The following MOXD1 variants were observed in gnomAD, a reference collection of about 807,000 sequenced individuals.
The protein encoded by MOXD1 is monooxygenase DBH like 1, also known as DBH-like monooxygenase protein 1.
MOXD1 carries 62 observed loss-of-function variants against 66.6 expected under a neutral mutation model. The ratio of observed to expected loss-of-function variants is 0.93; its 90% CI spans 0.76 to 1.15. The LOEUF is 1.15. Among genes scored for constraint, MOXD1 ranks in the 50% most tolerant of loss-of-function variants. The probability of loss-of-function intolerance (pLI) is 0.00; values close to 1 mark genes in which losing one functional copy is unlikely to be tolerated. For missense variants in MOXD1, 847 were observed against 754.6 expected, an observed-to-expected ratio of 1.12 and a Z score of -1.44; for synonymous variants, 303 against 281.9, an observed-to-expected ratio of 1.07 and a Z score of -0.75.
At chr6:132,388,952 G>A (rs534458983) in intron 1 of MOXD1, among the ~76,000 whole-genome samples, 4 of 151,476 alleles carry the variant, frequency 2.6e-5, no homozygotes, top group African/African-American at 9.6e-5. Context: ...AGAGGGCTAT[G>A]AGGATGAAAG....
chr6:132,324,164 C>G (rs1562282293), intron 6 of MOXD1, 67 bp from the exon 7 acceptor site: 2 of 1,502,286 alleles, frequency 1.3e-6, no homozygotes, highest in Non-Finnish European at 1.8e-6. Context: ...CAAGAAAATT[C>G]TTGGTTTGAA....
intron 1 of MOXD1, among the ~76,000 whole-genome samples, chr6:132,379,534 A>T (rs930765886): frequency 6.6e-6 from 1 of 151,906 alleles, no homozygotes; most frequent in East Asian, 1.9e-4. Context: ...TTATTCCCTG[A>T]CTCTATTTTC....
intron 4 of MOXD1, among the ~76,000 whole-genome samples, chr6:132,365,703 T>C (rs1463829182): frequency 6.6e-6 from 1 of 152,208 alleles, no homozygotes; most frequent in African/African-American, 2.4e-5. Context: ...CCCATGTAGC[T>C]AGACGATCTC....
intron 10 of MOXD1, among the ~76,000 whole-genome samples, chr6:132,314,341 T>C (rs6917708): frequency 0.04 from 6,030 of 152,300 alleles, 167 homozygotes; most frequent in African/African-American, 0.074. Flanking sequence ...ATCCCTCAAC[T>C]AGACAATCAC....
chr6:132,400,719 G>C (rs974281242), intron 1 of MOXD1, among the ~76,000 whole-genome samples: 7 of 152,072 alleles, frequency 4.6e-5, no homozygotes, highest in Admixed American at 3.9e-4. Context: ...CACGATTTGG[G>C]AAGTTCTGAG....
At chr6:132,316,381 T>A (rs1774959507) in intron 9 of MOXD1, among the ~76,000 whole-genome samples, 2 of 152,050 alleles carry the variant, frequency 1.3e-5, no homozygotes, top group Admixed American at 1.3e-4. Context: ...AGAAATGGAT[T>A]GTAAGATTGA....
At chr6:132,330,005 A>G (rs752904773) in intron 4 of MOXD1, among the ~76,000 whole-genome samples, 57 of 152,286 alleles carry the variant, frequency 3.7e-4, no homozygotes, top group Non-Finnish European at 5.0e-4. Flanking sequence ...TTGCTCTGTT[A>G]GTTCCCTTCA....
At chr6:132,299,421 C>A (rs1318167880) in intron 10 of MOXD1, among the ~76,000 whole-genome samples, 1 of 151,874 alleles carries the variant, frequency 6.6e-6, no homozygotes, top group Non-Finnish European at 1.5e-5. Flanking sequence ...TCCCTTGAAC[C>A]TAAAATAAAA....
intron 9 of MOXD1, among the ~76,000 whole-genome samples, chr6:132,316,349 C>G (rs1480015118): frequency 6.6e-6 from 1 of 151,974 alleles, no homozygotes; most frequent in Non-Finnish European, 1.5e-5. Context: ...TTATTATCTA[C>G]CTTCAATGGA....
chr6:132,374,198 C>A (rs1353096182), intron 2 of MOXD1, among the ~76,000 whole-genome samples: 2 of 152,122 alleles, frequency 1.3e-5, no homozygotes, highest in African/African-American at 2.4e-5. Flanking sequence ...TAATCAGCCA[C>A]CTATTCATCT....
intron 10 of MOXD1, among the ~76,000 whole-genome samples, chr6:132,309,393 A>C (rs1774772286): frequency 6.6e-6 from 1 of 152,252 alleles, no homozygotes; most frequent in Non-Finnish European, 1.5e-5. Flanking sequence ...ATGGAAAAAC[A>C]TTCCATTTTC....
intron 1 of MOXD1, among the ~76,000 whole-genome samples, chr6:132,395,397 G>T (rs1477480903): frequency 6.6e-6 from 1 of 151,758 alleles, no homozygotes; most frequent in Non-Finnish European, 1.5e-5. Context: ...AGAAGGAAAA[G>T]ACTAGAAGGT....
At chr6:132,315,910 A>C in intron 9 of MOXD1, 133 bp from the exon 10 acceptor site, 1 of 928,586 alleles carries the variant, frequency 1.1e-6, no homozygotes, top group Non-Finnish European at 1.6e-6. Flanking sequence ...AAAGTTAAAA[A>C]ACTGGCTTTT....
In MOXD1 at chr6:132,328,012, C is replaced by T. The variant is rs777424313; in HGVS notation, c.946+1G>A. The T allele has an allele frequency of 7.5e-6, 12 of 1,606,908 alleles. No homozygotes were observed. The highest frequency in any genetic ancestry group is 5.0e-5 in the Admixed American group (3 of 59,794). On this transcript the variant is annotated splice_donor_variant, in intron 6 of 11. Transcript: ENST00000367963. LOFTEE classifies it high-confidence loss of function. ...GTAAAACATATGAATAATAAACTCA[C>T]CTTCCTCATAAGTGGGATTATCATA...
chr6:132,347,300 A>G (rs1338341575), intron 4 of MOXD1, among the ~76,000 whole-genome samples: 1 of 152,184 alleles, frequency 6.6e-6, no homozygotes, highest in Non-Finnish European at 1.5e-5. Context: ...CAGTGGAGAT[A>G]CAAGGGAGGG....
chr6:132,376,759 C>T (rs1174138888), intron 1 of MOXD1, among the ~76,000 whole-genome samples: 3 of 144,148 alleles, frequency 2.1e-5, no homozygotes, highest in Non-Finnish European at 3.0e-5. Context: ...GTGATCCGCC[C>T]GCCTCGGCCT....
chr6:132,328,611 G>A lies in MOXD1; in HGVS notation c.664-17C>T, dbSNP rs1775244933. On this transcript the variant is annotated splice_polypyrimidine_tract_variant and intron_variant, in intron 4 of 11. Coordinates refer to ENST00000367963, the MANE Select transcript of MOXD1 (RefSeq NM_015529.4). The stretch of plus-strand genomic sequence containing the variant: ...TGGCTCAACCTACACGAACATAAAT[G>A]AGAGGGAGGACACAATAAATAAGAC... 1 of 1,610,572 alleles carries A rather than the reference G, an allele frequency of 6.2e-7. No individual in the cohort carries two copies. Among genetic ancestry groups the A allele is most frequent in the South Asian group, 1.1e-5 (1 of 90,802 alleles).
chr6:132,370,090 T>C (rs1458863120), intron 4 of MOXD1, among the ~76,000 whole-genome samples: 1 of 152,124 alleles, frequency 6.6e-6, no homozygotes, highest in East Asian at 1.9e-4. Context: ...TCTGTGAAAG[T>C]ACTTTTTGTT....
At chr6:132,320,749 C>T (rs598762) in intron 8 of MOXD1, 61 bp from the exon 9 acceptor site, 252,728 of 1,357,182 alleles carry the variant, frequency 0.19, 25,495 homozygotes, top group Non-Finnish European at 0.21. Flanking sequence ...TTATCAAATA[C>T]ATTTGTACGT....
Sources: gnomAD v4.1 joint callset for allele counts (sites outside exome capture counted in the v4.1 genomes callset) on GRCh38, gnomAD v4.1.1 for gene constraint, MANE v1.5 for transcripts, NCBI Gene and HGNC (gene_info 2026-07-23, HGNC 2026-07-21) for gene names.